ZEB1: variants seen among roughly 807,000 people sequenced by gnomAD.
ZEB1 encodes zinc finger E-box binding homeobox 1.
ZEB1 carries 21 observed loss-of-function variants against 84.9 expected under a neutral mutation model. The ratio of observed to expected loss-of-function variants is 0.25; its 90% CI spans 0.18 to 0.36. The LOEUF (loss-of-function observed/expected upper bound fraction) is 0.36, where lower values mean the gene tolerates loss of function less well. Among genes scored for constraint, ZEB1 ranks in the 10% least tolerant of loss-of-function variants. The probability of loss-of-function intolerance (pLI) is 1.00; values close to 1 mark genes in which losing one functional copy is unlikely to be tolerated. For synonymous variants in ZEB1, 420 were observed against 471.1 expected (o/e 0.89, Z 1.41); for missense variants, 1,104 against 1,330.2 (o/e 0.83, Z 2.65).
At chr10:31,519,719 T>C (rs1243544361) in intron 6 of ZEB1, among the ~76,000 whole-genome samples, 1 of 152,212 alleles carries the variant, frequency 6.6e-6, no homozygotes, top group African/African-American at 2.4e-5. Flanking sequence ...TTATTTTTCT[T>C]TTCTTTAATA....
intron 1 of ZEB1, among the ~76,000 whole-genome samples, chr10:31,431,295 G>A (rs1286915701): frequency 1.3e-5 from 2 of 152,122 alleles, no homozygotes; most frequent in Admixed American, 6.5e-5. Context: ...TGCCTGCCAG[G>A]GAGCATTGCC....
At chr10:31,407,520 A>G (rs1166559748) in intron 1 of ZEB1, among the ~76,000 whole-genome samples, 5 of 151,850 alleles carry the variant, frequency 3.3e-5, no homozygotes, top group Admixed American at 1.3e-4. Flanking sequence ...GTTGGTTCCA[A>G]GTCTTTGCTA....
intron 5 of ZEB1, among the ~76,000 whole-genome samples, chr10:31,512,498 A>G (rs2070272870): frequency 1.3e-5 from 2 of 152,192 alleles, no homozygotes; most frequent in Admixed American, 6.5e-5. Context: ...TTTAGTTTGC[A>G]AGGCAGCAAA....
At chr10:31,460,985 CTG>C in intron 1 of ZEB1, 50 bp from the exon 2 acceptor site, 2 of 1,428,440 alleles carry the variant, frequency 1.4e-6, no homozygotes, top group South Asian at 1.2e-5. Context: ...GATGTAAAAA[CTG>C]ATTGTTTTAC....
At position 31,356,235 on chromosome 10, in the gene ZEB1, T is replaced by C. The variant is rs562296979; in HGVS notation, c.58+36943T>C. On this transcript the variant is annotated intron_variant, in intron 1 of 8. Coordinates refer to ENST00000424869, the MANE Select transcript of ZEB1 (RefSeq NM_001174096.2). ...ATTTTTGAATTGTGCTAATTCTTGT[T>C]ATTGTTTGACTTCATTAACTAATAT... Among the ~76,000 whole-genome samples, 143 of 152,254 alleles carry C rather than the reference T, an allele frequency of 9.4e-4. 2 individuals are homozygous for C. Among genetic ancestry groups the C allele is most frequent in the African/African-American group, 3.4e-3 (140 of 41,564 alleles).
chr10:31,491,925 A>G (rs139752255), intron 2 of ZEB1, among the ~76,000 whole-genome samples: 2 of 152,088 alleles, frequency 1.3e-5, no homozygotes, highest in Non-Finnish European at 2.9e-5. Flanking sequence ...TATCTGGAAA[A>G]GTATACAGTG....
intron 1 of ZEB1, among the ~76,000 whole-genome samples, chr10:31,440,538 TG>T (rs1161729338): frequency 4.6e-5 from 7 of 152,170 alleles, no homozygotes; most frequent in African/African-American, 1.7e-4. Context: ...TTCAACATAT[TG>T]TTGGAAATTC....
intron 1 of ZEB1, among the ~76,000 whole-genome samples, chr10:31,423,682 G>GA (rs2056534043): frequency 6.6e-6 from 1 of 151,944 alleles, no homozygotes; most frequent in Admixed American, 6.6e-5. Flanking sequence ...CTAGTTGTAG[G>GA]AAAAAATGAG....
In ZEB1 at chr10:31,362,965, G is replaced by T. The variant is rs767046013; in HGVS notation, c.58+43673G>T. 2.7e-5 allele frequency: 42 copies of T among 1,533,890 alleles called. No individual in the cohort carries two copies. In the African/African-American group the frequency reaches 4.7e-4, roughly 17 times the overall value. On this transcript the variant is annotated intron_variant, in intron 1 of 8. Transcript: ENST00000424869. The stretch of plus-strand genomic sequence containing the variant: ...TTGGGAAGCCTGACCCACCAACAGT[G>T]CCTCAGGAGATAGACATGGAAGCTT...
chr10:31,363,165 C>A (rs773656268), intron 1 of ZEB1: 38 of 1,533,840 alleles, frequency 2.5e-5, no homozygotes, highest in Admixed American at 5.9e-5. Context: ...TGTCCTCCCC[C>A]ACCATCAGCA....
At chr10:31,504,907 A>G (rs1038686357) in intron 4 of ZEB1, among the ~76,000 whole-genome samples, 1 of 151,954 alleles carries the variant, frequency 6.6e-6, no homozygotes, top group African/African-American at 2.4e-5. Context: ...AGACTATTTG[A>G]CTTCTTTTCC....
At chr10:31,410,588 C>G (rs2135759973) in intron 1 of ZEB1, among the ~76,000 whole-genome samples, 1 of 152,236 alleles carries the variant, frequency 6.6e-6, no homozygotes, top group Non-Finnish European at 1.5e-5. Flanking sequence ...GGTAGCAGCT[C>G]CTTTTTGTAC....
intron 1 of ZEB1, chr10:31,363,743 TC>T (rs2043854212): frequency 8.2e-7 from 1 of 1,217,004 alleles, no homozygotes; most frequent in African/African-American, 1.5e-5. Context: ...ACGGGTTTCT[TC>T]CTTGAGGGGG....
intron 1 of ZEB1, among the ~76,000 whole-genome samples, chr10:31,425,251 A>C (rs2056774073): frequency 6.6e-6 from 1 of 152,094 alleles, no homozygotes; most frequent in Non-Finnish European, 1.5e-5. Flanking sequence ...TTATTTGAGA[A>C]TAAAAAGAAA....
At chr10:31,423,913 C>T (rs1266474638) in intron 1 of ZEB1, among the ~76,000 whole-genome samples, 1 of 151,948 alleles carries the variant, frequency 6.6e-6, no homozygotes, top group Non-Finnish European at 1.5e-5. Flanking sequence ...GAAAACGACT[C>T]CAGAATAATA....
chr10:31,330,833 T>TTAAGTG (rs1406980081), intron 1 of ZEB1, among the ~76,000 whole-genome samples: 1 of 151,660 alleles, frequency 6.6e-6, no homozygotes, highest in Non-Finnish European at 1.5e-5. Flanking sequence ...AGATAGTTTT[T>TTAAGTG]TAACTTTTCT....
At position 31,509,243 on chromosome 10, in the gene ZEB1, G is replaced by A. The variant is rs145958822; in HGVS notation, c.485-1430G>A. ...CTCTCCGGAGCAGCATTGTCATGTGGTCTCCACATACCTCCCTGTGTTAGT... is the reference window on the plus strand; with the variant it reads ...CTCTCCGGAGCAGCATTGTCATGTGATCTCCACATACCTCCCTGTGTTAGT... On this transcript the variant is annotated intron_variant, in intron 4 of 8. Coordinates refer to ENST00000424869, the MANE Select transcript of ZEB1 (RefSeq NM_001174096.2). 8.9e-4 allele frequency among the ~76,000 whole-genome samples: 136 copies of A among 152,240 alleles called. 1 individual carries two copies. Among genetic ancestry groups the A allele is most frequent in the Admixed American group, 4.9e-3 (75 of 15,292 alleles).
intron 1 of ZEB1, among the ~76,000 whole-genome samples, chr10:31,399,097 C>T (rs1172811904): frequency 6.6e-6 from 1 of 151,168 alleles, no homozygotes; most frequent in African/African-American, 2.4e-5. Flanking sequence ...GGGGTTCAAG[C>T]GATTCTCCTG....
At chr10:31,467,801 C>T (rs182388945) in intron 2 of ZEB1, among the ~76,000 whole-genome samples, 4 of 152,240 alleles carry the variant, frequency 2.6e-5, no homozygotes, top group African/African-American at 9.6e-5. Flanking sequence ...CTGGGCACCC[C>T]TCCCTTCATG....
Sources: gnomAD v4.1 joint callset for allele counts (sites outside exome capture counted in the v4.1 genomes callset) on GRCh38, gnomAD v4.1.1 for gene constraint, MANE v1.5 for transcripts, NCBI Gene and HGNC (gene_info 2026-07-23, HGNC 2026-07-21) for gene names.